Variants in SHISA9 observed in about 807,000 individuals in gnomAD.
The protein encoded by SHISA9 is shisa family member 9, also known as protein shisa-9.
A neutral mutation model predicts 38.0 loss-of-function variants in SHISA9; 13 were observed. The ratio of observed to expected loss-of-function variants is 0.34; its 90% CI spans 0.22 to 0.54. The LOEUF is 0.54. Ranked by LOEUF, SHISA9 falls within the 20% of genes least tolerant of loss-of-function variation. The probability of loss-of-function intolerance (pLI) is 0.91; values close to 1 mark genes in which losing one functional copy is unlikely to be tolerated. For synonymous variants in SHISA9, 275 were observed against 242.0 expected, an observed-to-expected ratio of 1.14 and a Z score of -1.27; for missense variants, 538 against 575.8, an observed-to-expected ratio of 0.93 and a Z score of 0.67.
At chr16:13,360,240 C>T in the SHISA9 span, among the ~76,000 whole-genome samples, 1 of 152,116 alleles carries the variant, frequency 6.6e-6, no homozygotes, top group East Asian at 1.9e-4. Context: ...CCTCAGCTCA[C>T]CTCTAAATTT....
chr16:13,387,206 GTTGGAGCCCTAA>G, the SHISA9 span, among the ~76,000 whole-genome samples: 1 of 152,164 alleles, frequency 6.6e-6, no homozygotes, highest in Non-Finnish European at 1.5e-5. Flanking sequence ...AAAAATGTAT[GTTGGAGCCCTAA>G]TTCCTAGTAC....
chr16:13,403,536 C>G, the SHISA9 span, among the ~76,000 whole-genome samples: 1 of 152,186 alleles, frequency 6.6e-6, no homozygotes, highest in African/African-American at 2.4e-5. Flanking sequence ...AATGTTATCC[C>G]TAATCTCTAT....
chr16:13,531,621 A>G, the SHISA9 span, among the ~76,000 whole-genome samples: 1 of 152,200 alleles, frequency 6.6e-6, no homozygotes, highest in South Asian at 2.1e-4. Flanking sequence ...TAGCTGCTAA[A>G]CAAAGTCAAG....
At chr16:13,403,867 C>T in the SHISA9 span, among the ~76,000 whole-genome samples, 4 of 152,186 alleles carry the variant, frequency 2.6e-5, no homozygotes, top group Non-Finnish European at 5.9e-5. Context: ...CTGCATTGGC[C>T]TCAGTTTCCT....
chr16:13,257,362 A>G, the SHISA9 span, among the ~76,000 whole-genome samples: 1 of 151,898 alleles, frequency 6.6e-6, no homozygotes, highest in African/African-American at 2.4e-5. Context: ...AACCTCTGGG[A>G]CTCTCCTTTC....
chr16:13,318,041 C>A, the SHISA9 span, among the ~76,000 whole-genome samples: 11 of 149,536 alleles, frequency 7.4e-5, no homozygotes, highest in African/African-American at 2.5e-4. Context: ...CTGTGCCCAA[C>A]ACTGTGGCAA....
chr16:12,933,087 T>C (rs1179884412), intron 2 of SHISA9, among the ~76,000 whole-genome samples: 2 of 152,180 alleles, frequency 1.3e-5, no homozygotes, highest in Non-Finnish European at 2.9e-5. Context: ...GCCTAACATA[T>C]GGTGTTTGGA....
At chr16:13,527,799 A>C in the SHISA9 span, among the ~76,000 whole-genome samples, 1 of 152,202 alleles carries the variant, frequency 6.6e-6, no homozygotes, top group Admixed American at 6.5e-5. Context: ...GTTACTGGCA[A>C]CCAAAGGAAC....
chr16:13,354,447 G>C, the SHISA9 span, among the ~76,000 whole-genome samples: 1 of 151,196 alleles, frequency 6.6e-6, no homozygotes, highest in African/African-American at 2.4e-5. Context: ...GGAATAATGT[G>C]GGATTGAAGT....
chr16:13,402,183 T>C, the SHISA9 span, among the ~76,000 whole-genome samples: 1 of 152,128 alleles, frequency 6.6e-6, no homozygotes, highest in East Asian at 1.9e-4. Context: ...CACGTGATTA[T>C]GGAGTTTGAG....
At chr16:13,053,748 C>G (rs1039939930) in intron 2 of SHISA9, among the ~76,000 whole-genome samples, 1 of 152,214 alleles carries the variant, frequency 6.6e-6, no homozygotes, top group Non-Finnish European at 1.5e-5. Flanking sequence ...TGCTCCACCT[C>G]TCATATGGGA....
chr16:13,410,374 A>G, the SHISA9 span, among the ~76,000 whole-genome samples: 10 of 152,346 alleles, frequency 6.6e-5, no homozygotes, highest in East Asian at 1.9e-3. Flanking sequence ...TGTTATATTT[A>G]GTCACCATCA....
At chr16:13,139,394 T>TTTCCTTCC (rs71147783) in intron 2 of SHISA9, among the ~76,000 whole-genome samples, 2,518 of 95,026 alleles carry the variant, frequency 0.026, 62 homozygotes, top group East Asian at 0.04. Flanking sequence ...CCCTTCCTTC[T>TTTCCTTCC]TTCCTTCCTT....
intron 2 of SHISA9, among the ~76,000 whole-genome samples, chr16:12,950,410 C>G (rs565357820): frequency 6.6e-6 from 1 of 152,122 alleles, no homozygotes; most frequent in Non-Finnish European, 1.5e-5. Context: ...GGAAATGCAT[C>G]TCAAAATCAC....
At chr16:13,300,328 A>G in the SHISA9 span, among the ~76,000 whole-genome samples, 2 of 152,110 alleles carry the variant, frequency 1.3e-5, no homozygotes, top group South Asian at 2.1e-4. Context: ...ACGAGAATCA[A>G]TTTTGGGAGT....
the SHISA9 span, among the ~76,000 whole-genome samples, chr16:13,424,452 C>A: frequency 6.6e-6 from 1 of 152,202 alleles, no homozygotes; most frequent in Non-Finnish European, 1.5e-5. Flanking sequence ...TCCAAGGCAA[C>A]ACTAGCAGAA....
intron 2 of SHISA9, among the ~76,000 whole-genome samples, chr16:12,964,753 T>G (rs2071956230): frequency 6.6e-6 from 1 of 152,192 alleles, no homozygotes; most frequent in Admixed American, 6.5e-5. Flanking sequence ...CCTAGCTGTG[T>G]TAAACCTCAA....
chr16:13,559,894 A>T, the SHISA9 span, among the ~76,000 whole-genome samples: 1 of 152,248 alleles, frequency 6.6e-6, no homozygotes, highest in South Asian at 2.1e-4. Flanking sequence ...AAAGTCAGTC[A>T]CATCAACTGG....
Position 12,901,909 on chromosome 16 carries a change from G to C in SHISA9, c.-156G>C, listed in dbSNP as rs1196032658. ...GCGGGCTGAGCCGAGCGCAGTGGCC[G>C]CCGACCACCGAGCGCCCCGCGCCGC... is the stretch of plus-strand genomic sequence containing the variant. On this transcript the variant is annotated 5_prime_UTR_variant, in exon 1 of 5. Transcript: ENST00000558583. 8 of 381,684 alleles carry C rather than the reference G, an allele frequency of 2.1e-5. No homozygotes were observed. Among genetic ancestry groups the C allele is most frequent in the Non-Finnish European group, 3.3e-5 (8 of 243,408 alleles). 23.6% of individuals were successfully genotyped at this position (381,684 alleles called of 1,614,324 possible).
Sources: gnomAD v4.1 joint callset for allele counts (sites outside exome capture counted in the v4.1 genomes callset) on GRCh38, gnomAD v4.1.1 for gene constraint, MANE v1.5 for transcripts, NCBI Gene and HGNC (gene_info 2026-07-23, HGNC 2026-07-21) for gene names.